ADGB: variants seen among roughly 807,000 people sequenced by gnomAD.
The protein encoded by ADGB is androglobin.
ADGB carries 172 observed loss-of-function variants against 210.5 expected under a neutral mutation model. That is an observed-to-expected ratio of 0.82 (90% CI 0.72 to 0.93). The LOEUF is 0.93. ADGB is among the 40% of genes least tolerant of loss of function. The pLI, the probability that ADGB is intolerant of heterozygous loss-of-function variation, is 0.00. For missense variants in ADGB, 2,025 were observed against 1,964.8 expected (o/e 1.03, Z -0.58); for synonymous variants, 658 against 662.7 (o/e 0.99, Z 0.11).
chr6:146,631,636 C>A (rs1021580802), intron 1 of ADGB, among the ~76,000 whole-genome samples: 4 of 152,086 alleles, frequency 2.6e-5, no homozygotes, highest in African/African-American at 9.7e-5. Context: ...CAGGTACCAT[C>A]CCAGTTACTG....
rs147500077 is a variant in ADGB, at chr6:146,673,979, C to T, written c.1087+1512C>T. Among the ~76,000 whole-genome samples the T allele has an allele frequency of 1.9e-3, 288 of 152,192 alleles. 2 individuals carry two copies. The highest frequency in any genetic ancestry group is 3.9e-4 in the East Asian group (2 of 5,178). On this transcript the variant is annotated intron_variant, in intron 8 of 35. Transcript: ENST00000397944. ...CATCTAAGAGGTTGGTACAAAATGA[C>T]GAGCTGCTGAATGAAGAGTAAGGAC...
At chr6:146,675,043 A>G (rs1237199829) in intron 8 of ADGB, among the ~76,000 whole-genome samples, 1 of 152,156 alleles carries the variant, frequency 6.6e-6, no homozygotes, top group Admixed American at 6.5e-5. Flanking sequence ...CACAAATAAA[A>G]TTTTGATAAT....
chr6:146,626,914 TCAGAATGTA>T (rs1191124089), intron 1 of ADGB, among the ~76,000 whole-genome samples: 1 of 152,102 alleles, frequency 6.6e-6, no homozygotes, highest in East Asian at 1.9e-4. Flanking sequence ...TTAAGTTATG[TCAGAATGTA>T]CTGATGCTCT....
At chr6:146,611,981 T>A (rs1780718385) in intron 1 of ADGB, among the ~76,000 whole-genome samples, 1 of 152,170 alleles carries the variant, frequency 6.6e-6, no homozygotes, top group African/African-American at 2.4e-5. Flanking sequence ...AAGATCTTAG[T>A]GGCCAGCATT....
rs572705139 is a variant in ADGB, at chr6:146,710,967, G to A, written c.1708-4415G>A. Among the ~76,000 whole-genome samples, 4 of 152,244 alleles carry A rather than the reference G, an allele frequency of 2.6e-5. No homozygotes were observed. In the South Asian group the frequency reaches 8.3e-4, roughly 32 times the overall value. On this transcript the variant is annotated intron_variant, in intron 13 of 35. Coordinates refer to ENST00000397944, the MANE Select transcript of ADGB (RefSeq NM_024694.4). The stretch of plus-strand genomic sequence containing the variant: ...ATGCCTAGCATATAGCAAACACCAT[G>A]ACATATTTGTTGAATGACTACATGC...
rs1213559354 is a variant in ADGB, at chr6:146,740,486, T to C, written c.2916T>C (p.Ser972=). Reference sequence around the variant, plus strand: ...TAATGTTTAAAAGCAAGTGCAAGTCTTTGGAATCTTATCCATGCTATCAAG... The same window carrying C: ...TAATGTTTAAAAGCAAGTGCAAGTCCTTGGAATCTTATCCATGCTATCAAG... ...LRLMFKSKCK[S]LESYPCYQDE... is the part of the protein sequence containing the mutation. The change falls in exon 24 of 36, where the codon TCT becomes TCC. Residue 972 remains serine (S), a synonymous_variant. Coordinates refer to ENST00000397944, the MANE Select transcript of ADGB (RefSeq NM_024694.4). 1 of 1,547,692 alleles carries C rather than the reference T, an allele frequency of 6.5e-7. No homozygotes were observed. Among genetic ancestry groups the C allele is most frequent in the Non-Finnish European group, 8.7e-7 (1 of 1,144,482 alleles).
At chr6:146,641,881 C>T (rs943997427) in intron 2 of ADGB, among the ~76,000 whole-genome samples, 8 of 151,946 alleles carry the variant, frequency 5.3e-5, no homozygotes, top group Non-Finnish European at 1.2e-4. Flanking sequence ...AAAGCAATTG[C>T]AACAAAAGCA....
chr6:146,688,236 G>A (rs1360753109), intron 10 of ADGB, among the ~76,000 whole-genome samples: 2 of 151,986 alleles, frequency 1.3e-5, no homozygotes, highest in East Asian at 3.9e-4. Context: ...GTAGGTGTAG[G>A]TGAATTAATA....
At chr6:146,723,548 C>T (rs562224866) in intron 17 of ADGB, among the ~76,000 whole-genome samples, 83 of 152,086 alleles carry the variant, frequency 5.5e-4, no homozygotes, top group African/African-American at 2.0e-3. Flanking sequence ...CCAGCCTGGG[C>T]CAACATGGTG....
rs781665569 is a variant in ADGB, at chr6:146,721,395, T to C, written c.1993-8T>C. 1 of 1,501,678 alleles carries C rather than the reference T, an allele frequency of 6.7e-7. No individual in the cohort carries two copies. Among genetic ancestry groups the C allele is most frequent in the South Asian group, 1.2e-5 (1 of 82,994 alleles). 93.0% of individuals were successfully genotyped at this position (1,501,678 alleles called of 1,614,324 possible). On this transcript the variant is annotated splice_region_variant and splice_polypyrimidine_tract_variant and intron_variant, in intron 16 of 35. Transcript: ENST00000397944. ...ATTAAGTATGACAACTGGTCTAATTTCTTGCAGTTCTCAGAAGAACGAGTG... is the reference window on the plus strand; with the variant it reads ...ATTAAGTATGACAACTGGTCTAATTCCTTGCAGTTCTCAGAAGAACGAGTG...
chr6:146,768,794 A>C (rs1306943065), intron 28 of ADGB, among the ~76,000 whole-genome samples: 1 of 152,148 alleles, frequency 6.6e-6, no homozygotes, highest in Non-Finnish European at 1.5e-5. Context: ...ACTCACAAAA[A>C]TTATAAAGTT....
chr6:146,679,301 A>G (rs951955006), intron 9 of ADGB, among the ~76,000 whole-genome samples: 2 of 152,150 alleles, frequency 1.3e-5, no homozygotes, highest in Admixed American at 1.3e-4. Context: ...TTCAATACGT[A>G]CCAAGAGTCC....
At chr6:146,787,767 A>G (rs1777895400) in intron 32 of ADGB, among the ~76,000 whole-genome samples, 1 of 151,738 alleles carries the variant, frequency 6.6e-6, no homozygotes, top group African/African-American at 2.4e-5. Flanking sequence ...TCCTATTGCC[A>G]CCTTTCATTC....
chr6:146,803,413 T>C lies in ADGB; in HGVS notation c.4818+1402T>C, dbSNP rs568050593. 2.5e-5 allele frequency: 40 copies of C among 1,608,492 alleles called. No homozygotes were observed. In the East Asian group the frequency reaches 8.5e-4, roughly 34 times the overall value. ...GCACAAGCCAGTTCATTTTCTTTAT[T>C]TGCCATGTCACAGCCCCCACCTTCC... On this transcript the variant is annotated intron_variant, in intron 35 of 35. Coordinates refer to ENST00000397944, the MANE Select transcript of ADGB (RefSeq NM_024694.4).
intron 35 of ADGB, among the ~76,000 whole-genome samples, chr6:146,808,635 A>G (rs531100679): frequency 1.3e-5 from 2 of 152,322 alleles, no homozygotes; most frequent in African/African-American, 4.8e-5. Context: ...AACCAGTGAA[A>G]GCGGTTTCAC....
chr6:146,678,606 C>T (rs542489861), intron 9 of ADGB, among the ~76,000 whole-genome samples: 1 of 151,954 alleles, frequency 6.6e-6, no homozygotes, highest in Admixed American at 6.6e-5. Context: ...TATAAAGAAC[C>T]CCTGTTTTAT....
rs2114588206 is a variant in ADGB at position 146,733,893 on chromosome 6, T to A, written c.2657T>A (p.Val886Glu). The A allele has an allele frequency of 6.4e-7, 1 of 1,551,442 alleles. No homozygotes were observed. Among genetic ancestry groups the A allele is most frequent in the East Asian group, 2.4e-5 (1 of 40,876 alleles). The change falls in exon 22 of 36, where the codon GTG becomes GAG. Residue 886 changes from valine to glutamate, a missense_variant and splice_region_variant. By Grantham distance (121) the Val-to-Glu change is moderately radical. Coordinates refer to ENST00000397944, the MANE Select transcript of ADGB (RefSeq NM_024694.4). ...CCAAAGTTTGTTTTTCCCTTTCCAG[T>A]GGAATGGCTGGACGTTAAATATTGT... ...LNSSLEEVSLVEWLDVKYCMP... is the reference protein window; with the variant it reads ...LNSSLEEVSLEEWLDVKYCMP...
intron 3 of ADGB, among the ~76,000 whole-genome samples, chr6:146,653,359 G>A (rs973050004): frequency 6.6e-6 from 1 of 152,030 alleles, no homozygotes. Context: ...CCAACTCCTT[G>A]GTTCGTGGAA....
Position 146,708,605 on chromosome 6 carries a change from T to C in ADGB, c.1708-6777T>C, listed in dbSNP as rs116789848. 7.5e-3 allele frequency among the ~76,000 whole-genome samples: 1,139 copies of C among 152,262 alleles called. 4 individuals carry two copies. Among genetic ancestry groups the C allele is most frequent in the African/African-American group, 0.025 (1,044 of 41,566 alleles). ...TGAGAAATTATAACTCCTTATTTGCTTCATTTCTCTTGCTGCTTTCAGAAT... is the reference window on the plus strand; with the variant it reads ...TGAGAAATTATAACTCCTTATTTGCCTCATTTCTCTTGCTGCTTTCAGAAT... On this transcript the variant is annotated intron_variant, in intron 13 of 35. Coordinates refer to ENST00000397944, the MANE Select transcript of ADGB (RefSeq NM_024694.4).
Sources: gnomAD v4.1 joint callset for allele counts (sites outside exome capture counted in the v4.1 genomes callset) on GRCh38, gnomAD v4.1.1 for gene constraint, MANE v1.5 for transcripts, NCBI Gene and HGNC (gene_info 2026-07-23, HGNC 2026-07-21) for gene names.